EXD3: variants seen among roughly 807,000 people sequenced by gnomAD.
EXD3 encodes the protein exonuclease mut-7 homolog.
A neutral mutation model predicts 98.0 loss-of-function variants in EXD3; 92 were observed. The ratio of observed to expected loss-of-function variants is 0.94; its 90% confidence interval spans 0.79 to 1.12. EXD3 has a LOEUF of 1.12. Among genes scored for constraint, EXD3 ranks in the 50% most tolerant of loss-of-function variants. The probability of loss-of-function intolerance (pLI) is 0.00; values close to 1 mark genes in which losing one functional copy is unlikely to be tolerated. For synonymous variants in EXD3, 569 were observed against 526.0 expected (o/e 1.08, Z -1.12); for missense variants, 1,222 against 1,191.6 (o/e 1.03, Z -0.38).
rs1267340831 is a variant in EXD3, at chr9:137,371,202, A to T, written c.462+1703T>A. On this transcript the variant is annotated intron_variant, in intron 5 of 21. Transcript: ENST00000340951. The surrounding 1 kb of genome is among the most constrained non-coding windows in gnomAD (Gnocchi z 8.0). The stretch of plus-strand genomic sequence containing the variant: ...GTAACAGAAGACGGCCCGAAACACT[A>T]GCCTGCCTTCTGCCTCCCTGCACTC... Among the ~76,000 whole-genome samples, 2 of 152,180 alleles carry T rather than the reference A, an allele frequency of 1.3e-5. No individual in the cohort carries two copies. The highest frequency in any genetic ancestry group is 2.9e-5 in the Non-Finnish European group (2 of 68,010).
At chr9:137,322,000 C>T (rs1003723374) in intron 19 of EXD3, among the ~76,000 whole-genome samples, 14 of 152,190 alleles carry the variant, frequency 9.2e-5, no homozygotes, top group African/African-American at 3.1e-4. Flanking sequence ...AGCCCAGTCC[C>T]CCACTGGGGA....
At chr9:137,337,228 C>A (rs1833399893) in intron 17 of EXD3, among the ~76,000 whole-genome samples, 1 of 152,140 alleles carries the variant, frequency 6.6e-6, no homozygotes, top group South Asian at 2.1e-4. Flanking sequence ...TGCATATGCA[C>A]CTACTAACAT....
intron 8 of EXD3, among the ~76,000 whole-genome samples, chr9:137,355,499 A>AG (rs143208480): frequency 0.029 from 788 of 27,542 alleles, 3 homozygotes; most frequent in Non-Finnish European, 0.045. Context: ...GGATGGAGGA[A>AG]GGAGGAAGGA....
At chr9:137,311,201 A>G (rs926050749) in intron 19 of EXD3, among the ~76,000 whole-genome samples, 1 of 152,176 alleles carries the variant, frequency 6.6e-6, no homozygotes, top group African/African-American at 2.4e-5. Context: ...CTCTTCCGCT[A>G]GCTCCCATCT....
chr9:137,323,643 G>A (rs370313436), intron 19 of EXD3, 82 bp downstream of exon 19: 10 of 1,550,344 alleles, frequency 6.5e-6, no homozygotes, highest in Non-Finnish European at 8.7e-6. Flanking sequence ...CCACTGTCTA[G>A]GGTGGGGCCC....
intron 19 of EXD3, among the ~76,000 whole-genome samples, chr9:137,312,826 C>T (rs7389783): frequency 0.27 from 41,755 of 151,984 alleles, 6,078 homozygotes; most frequent in East Asian, 0.35. Context: ...ACCAAGGGAG[C>T]GACCACAGCT....
chr9:137,355,499 A>AGGAGGAAGGGAGGAT (rs1834629944), intron 8 of EXD3, among the ~76,000 whole-genome samples: 1 of 27,724 alleles, frequency 3.6e-5, no homozygotes, highest in Non-Finnish European at 8.4e-5. Flanking sequence ...GGATGGAGGA[A>AGGAGGAAGGGAGGAT]GGAGGAAGGA....
intron 3 of EXD3, among the ~76,000 whole-genome samples, chr9:137,375,636 T>C (rs1295744376): frequency 6.6e-6 from 1 of 152,078 alleles, no homozygotes; most frequent in African/African-American, 2.4e-5. Flanking sequence ...CCTAGTGAGT[T>C]CTAGCTCTAG....
intron 19 of EXD3, among the ~76,000 whole-genome samples, chr9:137,316,068 G>A (rs1169072905): frequency 8.4e-6 from 1 of 118,560 alleles, no homozygotes; most frequent in East Asian, 3.7e-4. Context: ...TCGCCCCCCA[G>A]CTCTCGTTCC....
At chr9:137,397,815 C>T (rs147074543) in intron 1 of EXD3, among the ~76,000 whole-genome samples, 50 of 152,272 alleles carry the variant, frequency 3.3e-4, no homozygotes, top group Admixed American at 1.4e-3. Flanking sequence ...TGGTGGCTCA[C>T]GCCTTTGGTT....
Position 137,307,047 on chromosome 9 carries a change from A to G in EXD3, c.2534T>C (p.Leu845Pro). The G allele has an allele frequency of 6.2e-7, 1 of 1,612,082 alleles. No homozygotes were observed. Among genetic ancestry groups the G allele is most frequent in the South Asian group, 1.1e-5 (1 of 91,056 alleles). The change falls in exon 22 of 22, where the codon CTG becomes CCG. Residue 845 changes from leucine (L) to proline (P), a missense_variant. Leu to Pro is a moderately conservative substitution (Grantham distance 98). Transcript: ENST00000340951. ...CGKVFWDGSH[L>P]GRVATHFRDM... ...TCGGAAGTGGGTGGCAACACGACCC[A>G]GGTGGGAGCCGTCCCAGAAGACCTT... is the stretch of plus-strand genomic sequence containing the variant.
intron 19 of EXD3, among the ~76,000 whole-genome samples, chr9:137,319,867 A>G (rs1255113603): frequency 6.6e-6 from 1 of 152,090 alleles, no homozygotes; most frequent in African/African-American, 2.4e-5. Flanking sequence ...GCCCTCTCCC[A>G]ACAGCTCTCT....
intron 20 of EXD3, 108 bp from the exon 21 acceptor site, chr9:137,307,754 G>T (rs547503403): frequency 8.0e-6 from 10 of 1,255,582 alleles, no homozygotes; most frequent in Non-Finnish European, 1.1e-5. Flanking sequence ...ACCTCATGGG[G>T]TGCAGCCTCT....
chr9:137,392,626 A>G, intron 2 of EXD3: 1 of 310,854 alleles, frequency 3.2e-6, no homozygotes, highest in Non-Finnish European at 6.3e-6. Context: ...AGATGCCTAA[A>G]GCAGCACAGA....
At chr9:137,325,050 T>C (rs757063643) in intron 17 of EXD3, among the ~76,000 whole-genome samples, 9 of 152,170 alleles carry the variant, frequency 5.9e-5, no homozygotes, top group Non-Finnish European at 8.8e-5. Context: ...AGCTTCAGTA[T>C]GAATTTCTGA....
intron 7 of EXD3, chr9:137,365,683 C>G (rs1489267564): frequency 4.3e-5 from 11 of 257,644 alleles, no homozygotes; most frequent in Admixed American, 4.0e-4. Flanking sequence ...CATGCACAGG[C>G]ACACATGCAC....
In EXD3 at chr9:137,380,714, G is replaced by T. The variant is rs562784559; in HGVS notation, c.120+2599C>A. 1.2e-4 allele frequency among the ~76,000 whole-genome samples: 13 copies of T among 110,646 alleles called. No homozygotes were observed. The East Asian group carries it at 3.1e-3, about 26-fold the overall frequency. The allele number at this position is 110,646 out of a possible 152,430, so 72.6% of individuals were successfully genotyped here. The stretch of plus-strand genomic sequence containing the variant: ...GCCGGTATCCCCCTTCCTCCCTGCT[G>T]GCTGGCATCCCCTGCACTGAGCTGT... On this transcript the variant is annotated intron_variant, in intron 3 of 21. Coordinates refer to ENST00000340951, the MANE Select transcript of EXD3 (RefSeq NM_017820.5).
chr9:137,382,383 G>GGGGGGCGGGGGGCA (rs1836359951), intron 3 of EXD3, among the ~76,000 whole-genome samples: 1 of 152,064 alleles, frequency 6.6e-6, no homozygotes, highest in African/African-American at 2.4e-5. Context: ...TCAGACACGT[G>GGGGGGCGGGGGGCA]GGGGGCGGGG....
Position 137,395,695 on chromosome 9 carries a change from G to T in EXD3, c.-47-291C>A, listed in dbSNP as rs1019736390. On this transcript the variant is annotated intron_variant, in intron 1 of 21. Transcript: ENST00000340951. This position sits in a 1 kb window ranked among gnomAD's most constrained non-coding sequence, Gnocchi z 6.5. ...GGGGGGGCACAGTAGACAGACCCTC[G>T]CGGGAGTGCAGAGGGGCCTGTTCTT... 3.3e-5 allele frequency among the ~76,000 whole-genome samples: 5 copies of T among 152,118 alleles called. No homozygotes were observed. Among genetic ancestry groups the T allele is most frequent in the African/African-American group, 1.2e-4 (5 of 41,434 alleles).
Sources: allele counts gnomAD v4.1 joint callset (sites outside exome capture counted in the v4.1 genomes callset), GRCh38; gene constraint gnomAD v4.1.1; non-coding constraint Gnocchi (gnomAD v3.1); transcripts MANE v1.5; gene names NCBI Gene and HGNC (gene_info 2026-07-23, HGNC 2026-07-21).